ZFYVE9: variants seen among roughly 807,000 people sequenced by gnomAD.
The protein encoded by ZFYVE9 is zinc finger FYVE domain-containing protein 9.
Under a neutral mutation model 126.7 loss-of-function variants are expected in ZFYVE9, and 43 were observed. The observed-to-expected ratio is 0.34, with a 90% CI of 0.27 to 0.44. The LOEUF is 0.44. Among genes scored for constraint, ZFYVE9 ranks in the 20% least tolerant of loss-of-function variants. The pLI is 1.00. For missense variants in ZFYVE9, 1,476 were observed against 1,697.0 expected (o/e 0.87, Z 2.29); for synonymous variants, 521 against 597.4 (o/e 0.87, Z 1.87).
intron 17 of ZFYVE9, among the ~76,000 whole-genome samples, chr1:52,341,626 C>A (rs1646438311): frequency 6.6e-6 from 1 of 152,122 alleles, no homozygotes; most frequent in Admixed American, 6.6e-5. Context: ...AGCTTTGAAA[C>A]TCTTATGTTT....
At chr1:52,183,050 G>A (rs564095123) in intron 1 of ZFYVE9, among the ~76,000 whole-genome samples, 5 of 152,144 alleles carry the variant, frequency 3.3e-5, no homozygotes, top group Non-Finnish European at 5.9e-5. Flanking sequence ...AGAATTGAAA[G>A]TAAGTAAAGG....
chr1:52,234,837 A>G (rs1368752517), intron 3 of ZFYVE9, among the ~76,000 whole-genome samples: 2 of 152,094 alleles, frequency 1.3e-5, no homozygotes, highest in South Asian at 2.1e-4. Context: ...TTGTATAAGT[A>G]TTTTCTTAAT....
intron 4 of ZFYVE9, among the ~76,000 whole-genome samples, chr1:52,248,898 C>T (rs1477936575): frequency 6.6e-6 from 1 of 152,182 alleles, no homozygotes; most frequent in Non-Finnish European, 1.5e-5. Context: ...TTCACAAGAG[C>T]TCCAGTTTCT....
chr1:52,241,109 G>A (rs1170073121), intron 4 of ZFYVE9, among the ~76,000 whole-genome samples: 1 of 152,084 alleles, frequency 6.6e-6, no homozygotes, highest in Non-Finnish European at 1.5e-5. Context: ...CAATAGATAG[G>A]TTAATTTGCT....
intron 1 of ZFYVE9, among the ~76,000 whole-genome samples, chr1:52,169,978 C>T (rs1037707487): frequency 6.6e-5 from 10 of 152,122 alleles, no homozygotes; most frequent in East Asian, 1.9e-4. Context: ...CAGTTACATA[C>T]GTTGGAACAG....
chr1:52,275,061 A>G, intron 8 of ZFYVE9, among the ~76,000 whole-genome samples: 1 of 152,214 alleles, frequency 6.6e-6, no homozygotes, highest in Non-Finnish European at 1.5e-5. Flanking sequence ...TCTAATCAAA[A>G]GAATGCTTAA....
At chr1:52,191,248 T>C (rs114960459) in intron 1 of ZFYVE9, among the ~76,000 whole-genome samples, 1 of 152,304 alleles carries the variant, frequency 6.6e-6, no homozygotes, top group Non-Finnish European at 1.5e-5. Flanking sequence ...TCAATGAATA[T>C]TATTTCCTTT....
intron 8 of ZFYVE9, among the ~76,000 whole-genome samples, 168 bp from the exon 9 acceptor site, chr1:52,278,324 C>T (rs1168688355): frequency 1.3e-5 from 2 of 152,180 alleles, no homozygotes; most frequent in African/African-American, 2.4e-5. Context: ...AAAGAGGGCA[C>T]TATTAATTTG....
At chr1:52,304,088 CAA>C (rs1193579380) in intron 13 of ZFYVE9, among the ~76,000 whole-genome samples, 163 bp downstream of exon 13, 5 of 152,070 alleles carry the variant, frequency 3.3e-5, no homozygotes, top group Non-Finnish European at 7.3e-5. Context: ...TACAGGAAGA[CAA>C]GATGTCAAAT....
At chr1:52,319,076 G>A (rs1007768598) in intron 13 of ZFYVE9, among the ~76,000 whole-genome samples, 2 of 152,132 alleles carry the variant, frequency 1.3e-5, no homozygotes, top group Non-Finnish European at 2.9e-5. Context: ...CACTCTGGGT[G>A]ACAGAGTGTG....
chr1:52,296,379 A>T (rs1332963167), intron 12 of ZFYVE9, among the ~76,000 whole-genome samples: 1 of 151,826 alleles, frequency 6.6e-6, no homozygotes, highest in Non-Finnish European at 1.5e-5. Context: ...TTGTGTCTAT[A>T]TAGGTTATTA....
chr1:52,217,867 T>C (rs1301002388), intron 2 of ZFYVE9, among the ~76,000 whole-genome samples: 2 of 152,190 alleles, frequency 1.3e-5, no homozygotes, highest in African/African-American at 2.4e-5. Context: ...GCCAACACCA[T>C]GTCAAGGGTT....
At position 52,274,478 on chromosome 1, in the gene ZFYVE9, A is replaced by T. The variant is rs755219419; in HGVS notation, c.2640A>T (p.Leu880=). 5.6e-6 allele frequency: 9 copies of T among 1,609,968 alleles called. No homozygotes were observed. The highest frequency in any genetic ancestry group is 6.8e-6 in the Non-Finnish European group (8 of 1,177,356). Residue 880 remains leucine (L), a synonymous_variant, in exon 8 of 19, where the codon CTA becomes CTT. Transcript: ENST00000287727. ...GCTTTTCCTAGACGGATATTTGTCTATTCTCTGGGAGTATAACTCAGGTTG... is the reference window on the plus strand; with the variant it reads ...GCTTTTCCTAGACGGATATTTGTCTTTTCTCTGGGAGTATAACTCAGGTTG... ...SPLPAETDIC[L]FSGSITQVGS...
intron 1 of ZFYVE9, among the ~76,000 whole-genome samples, chr1:52,153,426 G>A (rs1644374840): frequency 6.6e-6 from 1 of 152,134 alleles, no homozygotes; most frequent in South Asian, 2.1e-4. Flanking sequence ...TGCTGGTGTT[G>A]GTTGTTTACC....
At chr1:52,311,024 C>T (rs777495254) in intron 13 of ZFYVE9, among the ~76,000 whole-genome samples, 7 of 152,042 alleles carry the variant, frequency 4.6e-5, no homozygotes, top group Non-Finnish European at 8.8e-5. Context: ...CACCACTGTG[C>T]GCAGCTAATT....
chr1:52,176,659 C>T (rs1644633128), intron 1 of ZFYVE9, among the ~76,000 whole-genome samples: 1 of 152,172 alleles, frequency 6.6e-6, no homozygotes, highest in Non-Finnish European at 1.5e-5. Context: ...TTCGAGCTTC[C>T]CGGCTGCTTT....
chr1:52,233,994 T>A (rs982361164), intron 3 of ZFYVE9, among the ~76,000 whole-genome samples: 2 of 152,100 alleles, frequency 1.3e-5, no homozygotes, highest in Non-Finnish European at 2.9e-5. Flanking sequence ...TTGGCCAGGC[T>A]GGTCTTAAAC....
intron 1 of ZFYVE9, among the ~76,000 whole-genome samples, chr1:52,185,407 A>G (rs1442727246): frequency 1.3e-5 from 2 of 152,210 alleles, no homozygotes; most frequent in African/African-American, 4.8e-5. Context: ...TGGTTAGTGT[A>G]TTTTTAATGA....
intron 2 of ZFYVE9, among the ~76,000 whole-genome samples, chr1:52,228,609 A>G (rs891024649): frequency 6.6e-6 from 1 of 152,160 alleles, no homozygotes; most frequent in Non-Finnish European, 1.5e-5. Flanking sequence ...CAGACAACAC[A>G]ACACTTCTTC....
Sources: allele counts gnomAD v4.1 joint callset (sites outside exome capture counted in the v4.1 genomes callset), GRCh38; gene constraint gnomAD v4.1.1; transcripts MANE v1.5; gene names NCBI Gene and HGNC (gene_info 2026-07-23, HGNC 2026-07-21).